PARP9: variants seen among roughly 807,000 people sequenced by gnomAD.
PARP9 encodes poly(ADP-ribose) polymerase family member 9.
Under a neutral mutation model 68.8 loss-of-function variants are expected in PARP9, and 48 were observed. That is an observed-to-expected ratio of 0.70 (90% CI 0.55 to 0.89). The LOEUF is 0.89. Among genes scored for constraint, PARP9 ranks in the 40% least tolerant of loss-of-function variants. PARP9 has a pLI of 0.00. For synonymous variants in PARP9, 309 were observed against 333.8 expected (o/e 0.93, Z 0.81); for missense variants, 806 against 969.3 (o/e 0.83, Z 2.24).
In PARP9 at chr3:122,540,717, T is replaced by C. The variant is rs2078139068; in HGVS notation, c.1520A>G (p.Asn507Ser). ...ATGATTATTCTCAATGATGTGGTGG[T>C]TCTGGAGACTCAGGATTCTTTGGAT... Reference protein sequence around the residue: ...AWIQRILSLQNHHIIENNHIL... With the variant: ...AWIQRILSLQSHHIIENNHIL... The change falls in exon 8 of 11, where the codon AAC (asparagine) becomes AGC (serine). Residue 507 changes from asparagine to serine, a missense_variant. Around this residue, in one of 2 missense-constraint regions of PARP9, gnomAD observed 680 missense variants for 858.8 expected, o/e 0.79. Transcript: ENST00000682323. 6.2e-7 allele frequency: 1 copy of C among 1,614,040 alleles called. No homozygotes were observed. Among genetic ancestry groups the C allele is most frequent in the Non-Finnish European group, 8.5e-7 (1 of 1,180,046 alleles).
chr3:122,536,706 G>T, intron 9 of PARP9: 1 of 564,106 alleles, frequency 1.8e-6, no homozygotes, highest in South Asian at 2.7e-5. Context: ...GGGCTTCCTG[G>T]ATCTGGAATC....
At position 122,556,141 on chromosome 3, in the gene PARP9, TAAA is replaced by T. The variant is rs745677021; in HGVS notation, c.50-23_50-21del. ...CAGTCTCTGGAAAAGAAGAGAAGAT[TAAA>T]AAAAAAAAAAAAAAAAAAAAAAAAA... On this transcript the variant is annotated intron_variant, in intron 3 of 10. Transcript: ENST00000682323. The T allele has an allele frequency of 4.0e-4, 85 of 210,056 alleles. No individual in the cohort carries two copies. The highest frequency in any genetic ancestry group is 1.0e-3 in the Admixed American group (8 of 7,998). 13.0% of individuals were successfully genotyped at this position (210,056 alleles called of 1,614,324 possible).
intron 4 of PARP9, among the ~76,000 whole-genome samples, chr3:122,554,644 G>A (rs1361313800): frequency 1.3e-5 from 2 of 152,150 alleles, no homozygotes; most frequent in East Asian, 1.9e-4. Flanking sequence ...AAGAACAAAA[G>A]ATAAAGTAAC....
At chr3:122,564,332 G>C (rs2080501604), upstream of PARP9, 1 of 1,407,504 alleles carries the variant, frequency 7.1e-7, no homozygotes, top group African/African-American at 1.5e-5. Context: ...CCAGGGAAGC[G>C]AAACTGAAAC....
At chr3:122,545,668 G>C in intron 6 of PARP9, 179 bp from the exon 7 acceptor site, 1 of 593,664 alleles carries the variant, frequency 1.7e-6, no homozygotes, top group Non-Finnish European at 3.0e-6. Flanking sequence ...CAGTCTATTA[G>C]AACACGGAAA....
At chr3:122,562,689 G>A (rs2080343349) in intron 1 of PARP9, among the ~76,000 whole-genome samples, 1 of 152,134 alleles carries the variant, frequency 6.6e-6, no homozygotes, top group Admixed American at 6.5e-5. Context: ...AAAGGTAGTA[G>A]CTTATACACA....
At chr3:122,558,617 T>G in intron 2 of PARP9, 150 bp from the exon 3 acceptor site, 2 of 900,640 alleles carry the variant, frequency 2.2e-6, no homozygotes, top group South Asian at 3.9e-5. Context: ...TTTTTTTAAA[T>G]CTGCATGCCC....
At chr3:122,563,941 T>C (rs1262555260) in intron 1 of PARP9, among the ~76,000 whole-genome samples, 2 of 151,786 alleles carry the variant, frequency 1.3e-5, no homozygotes, top group Admixed American at 1.3e-4. Flanking sequence ...AAGGGTAGAG[T>C]TGGAGGGAGG....
intron 6 of PARP9, among the ~76,000 whole-genome samples, chr3:122,549,967 C>T (rs1173494754): frequency 1.3e-5 from 2 of 152,162 alleles, no homozygotes; most frequent in East Asian, 1.9e-4. Flanking sequence ...AAGGACCCCA[C>T]ACTGAAACTA....
chr3:122,528,902 C>T (rs999666536), intron 10 of PARP9, among the ~76,000 whole-genome samples, 159 bp from the exon 11 acceptor site: 1 of 152,084 alleles, frequency 6.6e-6, no homozygotes, highest in Non-Finnish European at 1.5e-5. Context: ...AAAATTGTTC[C>T]TTGAAACAAA....
At chr3:122,564,131 A>T (rs1386507091) in intron 1 of PARP9, 114 bp downstream of exon 1, 1 of 451,628 alleles carries the variant, frequency 2.2e-6, no homozygotes, top group African/African-American at 2.1e-5. Context: ...TAGTCTACTC[A>T]CAAGGGAGGC....
Position 122,552,354 on chromosome 3 carries a change from G to C in PARP9, c.1107+64C>G, listed in dbSNP as rs943869933. 4.3e-5 allele frequency: 53 copies of C among 1,234,162 alleles called. No individual in the cohort carries two copies. In the African/African-American group the frequency reaches 5.1e-4, roughly 12 times the overall value. The allele number at this position is 1,234,162 out of a possible 1,614,324, so 76.5% of individuals were successfully genotyped here. Reference sequence around the variant, plus strand: ...GAATGTAATGAAATGATGGAAATTTGTTTAAAAAAAAAAGACTGTATAGAC... The same window carrying C: ...GAATGTAATGAAATGATGGAAATTTCTTTAAAAAAAAAAGACTGTATAGAC... On this transcript the variant is annotated intron_variant, in intron 5 of 10. Transcript: ENST00000682323.
intron 5 of PARP9, among the ~76,000 whole-genome samples, chr3:122,551,402 GAAGA>G (rs1267614986): frequency 2.0e-5 from 3 of 152,208 alleles, no homozygotes; most frequent in African/African-American, 7.2e-5. Flanking sequence ...AAATGGTGAA[GAAGA>G]AAGATAGACA....
At chr3:122,533,570 G>A (rs1298757017) in intron 10 of PARP9, 1 of 559,454 alleles carries the variant, frequency 1.8e-6, no homozygotes, top group Non-Finnish European at 2.3e-6. Context: ...GTGAACTCGT[G>A]AGATTATAAA....
chr3:122,544,419 T>C (rs1254097822), intron 7 of PARP9, among the ~76,000 whole-genome samples: 1 of 152,178 alleles, frequency 6.6e-6, no homozygotes, highest in Non-Finnish European at 1.5e-5. Context: ...ATTATACAGA[T>C]AAATAAACAG....
Position 122,555,890 on chromosome 3 carries a change from G to A in PARP9, c.281C>T (p.Thr94Ile). The part of the protein sequence containing the change: ...ELSVWKDDLT[T>I]HAVDAVVNAA... ...ATTCACCACAGCATCAACAGCATGT[G>A]TGGTGAGGTCATCTTTCCAGACTGA... is the stretch of plus-strand genomic sequence containing the variant. Residue 94 changes from threonine to isoleucine, a missense_variant, in exon 4 of 11, where the codon ACA becomes ATA. By Grantham distance (89) the Thr-to-Ile change is moderately conservative (BLOSUM62 -1). Transcript: ENST00000682323. The A allele has an allele frequency of 6.2e-7, 1 of 1,614,092 alleles. No homozygotes were observed. The highest frequency in any genetic ancestry group is 8.5e-7 in the Non-Finnish European group (1 of 1,180,012).
At chr3:122,538,193 A>T (rs576790020) in intron 8 of PARP9, among the ~76,000 whole-genome samples, 3,336 of 152,256 alleles carry the variant, frequency 0.022, 123 homozygotes, top group African/African-American at 0.074. Flanking sequence ...TTTGGGGAGC[A>T]ATAGCTCATA....
chr3:122,542,034 GAAGT>G lies in PARP9; in HGVS notation c.1385-1186_1385-1183del, dbSNP rs557641552. Among the ~76,000 whole-genome samples, 6 of 152,222 alleles carry G rather than the reference GAAGT, an allele frequency of 3.9e-5. No individual in the cohort carries two copies. The South Asian group carries it at 1.2e-3, about 32-fold the overall frequency. On this transcript the variant is annotated intron_variant, in intron 7 of 10. Coordinates refer to ENST00000682323, the MANE Select transcript of PARP9 (RefSeq NM_001146105.2). ...AAGCCAAGGTTTTAGACAACAGTAA[GAAGT>G]AACCCAGGTTTTATATTGGAGGCAT...
In PARP9 at chr3:122,545,509, G is replaced by A. The variant is rs1209153882; in HGVS notation, c.1327-20C>T. The A allele has an allele frequency of 1.9e-6, 3 of 1,613,740 alleles. No individual in the cohort carries two copies. The South Asian group carries it at 3.3e-5, about 18-fold the overall frequency. On this transcript the variant is annotated intron_variant, in intron 6 of 10. Transcript: ENST00000682323. ...GAAAGCCTACAAGAAGCAAAACAGA[G>A]CAGAGAGTCATAAGCAGGGCTGATA...
Sources: allele counts gnomAD v4.1 joint callset (sites outside exome capture counted in the v4.1 genomes callset), GRCh38; gene constraint gnomAD v4.1.1; regional missense constraint gnomAD v4.1.1; transcripts MANE v1.5; gene names NCBI Gene and HGNC (gene_info 2026-07-23, HGNC 2026-07-21).